Variants in SMTNL2 observed in about 807,000 individuals in gnomAD.
The protein encoded by SMTNL2 is smoothelin like 2, also known as smoothelin-like protein 2.
A neutral mutation model predicts 44.1 loss-of-function variants in SMTNL2; 43 were observed. The observed-to-expected ratio is 0.98, with a 90% CI of 0.76 to 1.26. The LOEUF (loss-of-function observed/expected upper bound fraction) is 1.26, where lower values mean the gene tolerates loss of function less well. Among genes scored for constraint, SMTNL2 ranks in the 50% most tolerant of loss-of-function variants. The probability of loss-of-function intolerance (pLI) is 0.00; values close to 1 mark genes in which losing one functional copy is unlikely to be tolerated. For missense variants in SMTNL2, 646 were observed against 670.2 expected (o/e 0.96, Z 0.40); for synonymous variants, 317 against 287.6 (o/e 1.10, Z -1.03).
chr17:4,604,922 C>T (rs532210555), intron 7 of SMTNL2, among the ~76,000 whole-genome samples: 39 of 152,204 alleles, frequency 2.6e-4, no homozygotes, highest in South Asian at 1.9e-3. Context: ...CTGCCCGCCT[C>T]GGCTTCCTAA....
rs368707338 is a variant in SMTNL2, at chr17:4,593,170, C to T, written c.729C>T (p.Ser243=). The T allele has an allele frequency of 3.9e-5, 62 of 1,595,664 alleles. No homozygotes were observed. In the African/African-American group the frequency reaches 6.4e-4, roughly 17 times the overall value. Residue 243 remains serine (S), a splice_region_variant and synonymous_variant, in exon 3 of 8, where the codon AGC becomes AGT. Coordinates refer to ENST00000389313, the MANE Select transcript of SMTNL2 (RefSeq NM_001114974.2). ...EVITPWTPSP[S]EKNSSFTWSV... is the part of the protein sequence containing the mutation. ...TCACGCCCTGGACTCCCAGTCCTAG[C>T]GGTATGAGCTGGAGAGCGTGGCCTT...
At position 4,584,579 on chromosome 17, in the gene SMTNL2, C is replaced by G; in HGVS notation, c.-27C>G. On this transcript the variant is annotated 5_prime_UTR_variant, in exon 1 of 8. Transcript: ENST00000389313. ...CGGATCTTCTCCCCCGTCTGGCCCG[C>G]TCTCGACCCGCGCGCTCTGCTGGGC... 1 of 1,222,720 alleles carries G rather than the reference C, an allele frequency of 8.2e-7. No homozygotes were observed. The highest frequency in any genetic ancestry group is 1.0e-6 in the Non-Finnish European group (1 of 981,722). The allele number at this position is 1,222,720 out of a possible 1,614,324, so 75.7% of individuals were successfully genotyped here. A position where few individuals can be genotyped will look rare whatever the true frequency, so the allele number is the denominator to read the frequency against.
In SMTNL2 at chr17:4,597,273, G is replaced by A; in HGVS notation, c.1209G>A (p.Leu403=). The change falls in exon 7 of 8, where the codon CTG becomes CTA. Residue 403 remains leucine, a synonymous_variant. Transcript: ENST00000389313. ...CCGATGCCTTTGACTACAACTCCCT[G>A]AGCCCCACGCAGAGGCAGAAGAACT... ...FFPDAFDYNS[L]SPTQRQKNFE... is the part of the protein sequence containing the mutation. 1 of 1,614,150 alleles carries A rather than the reference G, an allele frequency of 6.2e-7. No individual in the cohort carries two copies. Among genetic ancestry groups the A allele is most frequent in the Non-Finnish European group, 8.5e-7 (1 of 1,180,000 alleles).
At chr17:4,602,311 C>CT (rs35927212) in intron 7 of SMTNL2, among the ~76,000 whole-genome samples, 441 of 43,762 alleles carry the variant, frequency 0.01, 99 homozygotes, top group African/African-American at 0.039. Flanking sequence ...AAGGCAGGTG[C>CT]TTTTTTTTTT....
At chr17:4,601,991 C>T (rs1043792574) in intron 7 of SMTNL2, among the ~76,000 whole-genome samples, 1 of 152,094 alleles carries the variant, frequency 6.6e-6, no homozygotes, top group African/African-American at 2.4e-5. Flanking sequence ...TTTGTCCAGC[C>T]TATGTCTGCA....
chr17:4,605,808 A>G (rs1450317484), intron 7 of SMTNL2, among the ~76,000 whole-genome samples: 1 of 151,046 alleles, frequency 6.6e-6, no homozygotes, highest in Non-Finnish European at 1.5e-5. Flanking sequence ...GGCCGGCTCC[A>G]TCTGGTGCCC....
chr17:4,607,263 C>A lies in SMTNL2; in HGVS notation c.1260-98C>A, dbSNP rs1910314567. 6.4e-7 allele frequency: 1 copy of A among 1,569,040 alleles called. No individual in the cohort carries two copies. The highest frequency in any genetic ancestry group is 8.7e-7 in the Non-Finnish European group (1 of 1,154,996). On this transcript the variant is annotated intron_variant, in intron 7 of 7. Coordinates refer to ENST00000389313, the MANE Select transcript of SMTNL2 (RefSeq NM_001114974.2). The surrounding 1 kb of genome is among the most constrained non-coding windows in gnomAD (Gnocchi z 4.7). ...GTCCTTGGGAACCTCTGGCTGCCGG[C>A]TGAGCTCTGTTCCCGGGACCGAGAC...
chr17:4,597,883 G>A (rs1168144892), intron 7 of SMTNL2, among the ~76,000 whole-genome samples: 1 of 152,214 alleles, frequency 6.6e-6, no homozygotes, highest in Non-Finnish European at 1.5e-5. Flanking sequence ...GGGGTCAGGA[G>A]GCACCTGGAA....
In SMTNL2 at chr17:4,592,213, T is replaced by G; in HGVS notation, c.400-148T>G. On this transcript the variant is annotated intron_variant, in intron 1 of 7. Transcript: ENST00000389313. This position sits in a 1 kb window ranked among gnomAD's most constrained non-coding sequence, Gnocchi z 4.5. ...CCATCCCAGCTTTTGCTGTGTGACTTGGCCCGTCACTTTCTTCCTGGGGGC... is the reference window on the plus strand; with the variant it reads ...CCATCCCAGCTTTTGCTGTGTGACTGGGCCCGTCACTTTCTTCCTGGGGGC... The G allele has an allele frequency of 1.4e-6, 1 of 736,268 alleles. No homozygotes were observed. Among genetic ancestry groups the G allele is most frequent in the Non-Finnish European group, 2.3e-6 (1 of 439,698 alleles). The allele number at this position is 736,268 out of a possible 1,614,324, so 45.6% of individuals were successfully genotyped here.
chr17:4,606,555 G>A (rs115405483), intron 7 of SMTNL2, among the ~76,000 whole-genome samples: 3,626 of 152,020 alleles, frequency 0.024, 136 homozygotes, highest in African/African-American at 0.08. Flanking sequence ...TGAGGCAGGC[G>A]TTCAAGACCA....
chr17:4,591,145 C>T (rs569237383), intron 1 of SMTNL2, among the ~76,000 whole-genome samples: 14 of 152,336 alleles, frequency 9.2e-5, no homozygotes, highest in African/African-American at 3.4e-4. Flanking sequence ...TATCCTGACA[C>T]GGCCCCCTCT....
Position 4,584,924 on chromosome 17 carries a change from G to A in SMTNL2, c.319G>A (p.Gly107Arg). The change falls in exon 1 of 8, where the codon GGG (glycine) becomes AGG (arginine). Residue 107 changes from glycine to arginine, a missense_variant. Transcript: ENST00000389313. The part of the protein sequence containing the change: ...PGTPSPPPAP[G>R]VPDRAPRLGS... ...CACGCCCAGCCCCCCGCCCGCGCCC[G>A]GGGTTCCCGACCGCGCGCCCCGCCT... 1 of 1,303,314 alleles carries A rather than the reference G, an allele frequency of 7.7e-7. No individual in the cohort carries two copies. Among genetic ancestry groups the A allele is most frequent in the Non-Finnish European group, 9.7e-7 (1 of 1,031,700 alleles). 80.7% of individuals were successfully genotyped at this position (1,303,314 alleles called of 1,614,324 possible).
At chr17:4,590,838 C>T (rs982090148) in intron 1 of SMTNL2, among the ~76,000 whole-genome samples, 25 of 152,180 alleles carry the variant, frequency 1.6e-4, no homozygotes, top group Non-Finnish European at 2.4e-4. Flanking sequence ...AACACAGAGC[C>T]GAGGACCTTG....
At position 4,584,784 on chromosome 17, in the gene SMTNL2, TG is replaced by T; in HGVS notation, c.181del (p.Ala61ProfsTer17). The T allele has an allele frequency of 7.6e-7, 1 of 1,317,438 alleles. No homozygotes were observed. Among genetic ancestry groups the T allele is most frequent in the Non-Finnish European group, 9.6e-7 (1 of 1,036,832 alleles). 81.6% of individuals were successfully genotyped at this position (1,317,438 alleles called of 1,614,324 possible). ...CTGGCCGGCCCCCTGGCGCGCACGG[TG>T]GCCGACCTGCAGCGGGACAACCAGC... Reference protein sequence around the residue: ...MRLAGPLARTVADLQRDNQRL... With the variant: ...MRLAGPLARTXADLQRDNQRL... On this transcript the variant is annotated frameshift_variant, in exon 1 of 8. Coordinates refer to ENST00000389313, the MANE Select transcript of SMTNL2 (RefSeq NM_001114974.2). LOFTEE classifies it high-confidence loss of function.
intron 7 of SMTNL2, 39 bp downstream of exon 7, chr17:4,597,362 C>G (rs762168281): frequency 5.6e-6 from 9 of 1,604,076 alleles, no homozygotes; most frequent in Non-Finnish European, 7.7e-6. Flanking sequence ...AGCCCCAGCC[C>G]AGTCCCTGAG....
chr17:4,586,718 G>T (rs1909360263), intron 1 of SMTNL2, among the ~76,000 whole-genome samples: 1 of 152,170 alleles, frequency 6.6e-6, no homozygotes, highest in African/African-American at 2.4e-5. Context: ...TGGGTAACTT[G>T]ATTGTGATGG....
chr17:4,589,261 C>T, intron 1 of SMTNL2, among the ~76,000 whole-genome samples: 1 of 152,156 alleles, frequency 6.6e-6, no homozygotes, highest in African/African-American at 2.4e-5. Context: ...TATAGAGAAA[C>T]ATATTTCCTG....
upstream of SMTNL2, chr17:4,584,409 C>T: frequency 6.3e-6 from 3 of 474,672 alleles, no homozygotes; most frequent in South Asian, 3.3e-4. Flanking sequence ...CCCTCCGCAC[C>T]GTCCCGCTGG....
rs573778631 is a variant in SMTNL2, at chr17:4,592,634, G to T, written c.487+186G>T. 3.3e-5 allele frequency among the ~76,000 whole-genome samples: 5 copies of T among 152,312 alleles called. 1 individual carries two copies. In the South Asian group the frequency reaches 1.0e-3, roughly 32 times the overall value. The stretch of plus-strand genomic sequence containing the variant: ...TAGAACTTGTGAAACACAGAGGGAA[G>T]TTGGGAGATCTCAGGAGGTAGTGAG... On this transcript the variant is annotated intron_variant, in intron 2 of 7. Coordinates refer to ENST00000389313, the MANE Select transcript of SMTNL2 (RefSeq NM_001114974.2). The surrounding 1 kb of genome is among the most constrained non-coding windows in gnomAD (Gnocchi z 4.5).
Sources: allele counts gnomAD v4.1 joint callset (sites outside exome capture counted in the v4.1 genomes callset), GRCh38; gene constraint gnomAD v4.1.1; non-coding constraint Gnocchi (gnomAD v3.1); transcripts MANE v1.5; gene names NCBI Gene and HGNC (gene_info 2026-07-23, HGNC 2026-07-21).